Variants in DAW1 observed in about 807,000 individuals in gnomAD.
The protein encoded by DAW1 is dynein assembly factor with WD repeat domains 1.
Under a neutral mutation model 56.5 loss-of-function variants are expected in DAW1, and 47 were observed. That is an observed-to-expected ratio of 0.83 (90% confidence interval 0.66 to 1.06). The LOEUF is 1.06. Among genes scored for constraint, DAW1 ranks in the 50% least tolerant of loss-of-function variants. The pLI is 0.00. For synonymous variants in DAW1, 190 were observed against 179.0 expected, an observed-to-expected ratio of 1.06 and a Z score of -0.49; for missense variants, 505 against 499.3, an observed-to-expected ratio of 1.01 and a Z score of -0.11.
chr2:227,908,660 ATTTCTACAT>A (rs1691741801), intron 10 of DAW1, among the ~76,000 whole-genome samples: 1 of 152,194 alleles, frequency 6.6e-6, no homozygotes, highest in Non-Finnish European at 1.5e-5. Flanking sequence ...ACACTATACA[ATTTCTACAT>A]TATCTCCCTG....
intron 11 of DAW1, among the ~76,000 whole-genome samples, chr2:227,920,141 A>T (rs77241046): frequency 1.3e-5 from 2 of 152,174 alleles, no homozygotes; most frequent in African/African-American, 2.4e-5. Flanking sequence ...ATAAGTAAAC[A>T]TCTATTTTCA....
chr2:227,872,297 A>AAAAAAAAAAAAAAAG (rs1553600898), intron 1 of DAW1: 13 of 131,454 alleles, frequency 9.9e-5, no homozygotes, highest in East Asian at 2.2e-4. Flanking sequence ...AAAAAAGAAA[A>AAAAAAAAAAAAAAAG]AAAAGAAAAA....
Position 227,891,311 on chromosome 2 carries a change from A to C in DAW1, c.315A>C (p.Ser105=), listed in dbSNP as rs995601518. 2 of 1,613,114 alleles carry C rather than the reference A, an allele frequency of 1.2e-6. No individual in the cohort carries two copies. The highest frequency in any genetic ancestry group is 8.5e-7 in the Non-Finnish European group (1 of 1,179,460). ...ATGTTGCACTTAACAAATCGGGCTC[A>C]TGGTAAGATTCTCTTTTTATGTCTA... The part of the protein sequence containing the change: ...LTNVALNKSG[S]CFITGSYDRT... The change falls in exon 4 of 13, where the codon TCA becomes TCC. Residue 105 remains serine, a splice_region_variant and synonymous_variant. Coordinates refer to ENST00000309931, the MANE Select transcript of DAW1 (RefSeq NM_178821.3).
At chr2:227,892,387 G>T (rs1025568585) in intron 4 of DAW1, among the ~76,000 whole-genome samples, 1 of 152,148 alleles carries the variant, frequency 6.6e-6, no homozygotes, top group African/African-American at 2.4e-5. Flanking sequence ...GCCCAACTTG[G>T]CCTCCCAAAG....
intron 5 of DAW1, among the ~76,000 whole-genome samples, chr2:227,897,093 G>GAA (rs200209188): frequency 4.3e-5 from 4 of 92,300 alleles, no homozygotes; most frequent in Admixed American, 2.5e-4. Context: ...CTCAAAAAAA[G>GAA]AAAAAAAAAA....
At chr2:227,885,458 CACTGGGAAGCCTTG>C in intron 2 of DAW1, 35 bp downstream of exon 2, 1 of 1,517,332 alleles carries the variant, frequency 6.6e-7, no homozygotes, top group Non-Finnish European at 9.0e-7. Flanking sequence ...AATAAATGTT[CACTGGGAAGCCTTG>C]ACACAGAGTG....
At position 227,907,265 on chromosome 2, in the gene DAW1, T is replaced by C. The variant is rs750778183; in HGVS notation, c.973+13T>C. On this transcript the variant is annotated intron_variant, in intron 10 of 12. Transcript: ENST00000309931. ...GCTTCAGCTGATGGTAGGTGATCTGTTCATTCTTTTAATTTTTGGAGAGAT... is the reference window on the plus strand; with the variant it reads ...GCTTCAGCTGATGGTAGGTGATCTGCTCATTCTTTTAATTTTTGGAGAGAT... 1 of 1,596,766 alleles carries C rather than the reference T, an allele frequency of 6.3e-7. No individual in the cohort carries two copies. The highest frequency in any genetic ancestry group is 1.1e-5 in the South Asian group (1 of 89,010).
chr2:227,905,115 A>G (rs112982352), intron 8 of DAW1, 80 bp downstream of exon 8: 10 of 1,161,078 alleles, frequency 8.6e-6, no homozygotes, highest in Middle Eastern at 2.0e-4. Flanking sequence ...AGTTTAAGCT[A>G]CTATCTATTA....
At chr2:227,912,217 A>G (rs1167236457) in intron 10 of DAW1, 3 of 412,044 alleles carry the variant, frequency 7.3e-6, no homozygotes, top group African/African-American at 2.1e-5. Flanking sequence ...TGCTATATCT[A>G]TGTCACCTTC....
In DAW1 at chr2:227,894,068, A is replaced by G. The variant is rs1691348907; in HGVS notation, c.440+151A>G. 4 of 797,592 alleles carry G rather than the reference A, an allele frequency of 5.0e-6. No individual in the cohort carries two copies. The African/African-American group carries it at 7.0e-5, about 14-fold the overall frequency. 49.4% of individuals were successfully genotyped at this position (797,592 alleles called of 1,614,324 possible). A position where few individuals can be genotyped will look rare whatever the true frequency, so the allele number is the denominator to read the frequency against. On this transcript the variant is annotated intron_variant, in intron 5 of 12. Coordinates refer to ENST00000309931, the MANE Select transcript of DAW1 (RefSeq NM_178821.3). ...TTTTAAATACCTCCTTCAAAGCTTA[A>G]AAGGGTCTTTGGGTTAGCTATCACT...
chr2:227,873,717 G>C (rs546972594), intron 1 of DAW1, among the ~76,000 whole-genome samples: 2 of 152,234 alleles, frequency 1.3e-5, no homozygotes, highest in South Asian at 4.1e-4. Flanking sequence ...TTTTGAGACA[G>C]AGTCTTGCTC....
chr2:227,914,020 A>G (rs1168198569), intron 10 of DAW1, among the ~76,000 whole-genome samples: 1 of 150,956 alleles, frequency 6.6e-6, no homozygotes, highest in Admixed American at 6.6e-5. Context: ...CTTTCTTTAC[A>G]TTAGGTCTAT....
chr2:227,900,130 G>A (rs1201527752), intron 6 of DAW1, among the ~76,000 whole-genome samples: 4 of 152,148 alleles, frequency 2.6e-5, no homozygotes, highest in South Asian at 4.1e-4. Flanking sequence ...ACATAGACAG[G>A]TATTAGCTTA....
Position 227,871,710 on chromosome 2 carries a change from G to A in DAW1, c.21G>A (p.Leu7=). Reference sequence around the variant, plus strand: ...AGAAAATGAAGCTCAAGAGCCTCCTGCTCCGGTATTACCCGCCAGGTACGC... The same window carrying A: ...AGAAAATGAAGCTCAAGAGCCTCCTACTCCGGTATTACCCGCCAGGTACGC... MKLKSL[L]LRYYPPGIML... The change falls in exon 1 of 13, where the codon CTG becomes CTA. Residue 7 remains leucine, a synonymous_variant. Coordinates refer to ENST00000309931, the MANE Select transcript of DAW1 (RefSeq NM_178821.3). 1.2e-6 allele frequency: 2 copies of A among 1,613,928 alleles called. No homozygotes were observed. The highest frequency in any genetic ancestry group is 1.1e-5 in the South Asian group (1 of 91,040).
chr2:227,921,518 CTT>C lies in DAW1; in HGVS notation c.1173_1174del (p.Ser392MetfsTer6), dbSNP rs1178855531. 1 of 1,613,710 alleles carries C rather than the reference CTT, an allele frequency of 6.2e-7. No individual in the cohort carries two copies. Among genetic ancestry groups the C allele is most frequent in the Non-Finnish European group, 8.5e-7 (1 of 1,179,948 alleles). On this transcript the variant is annotated frameshift_variant, in exon 12 of 13. Coordinates refer to ENST00000309931, the MANE Select transcript of DAW1 (RefSeq NM_178821.3). LOFTEE classifies it high-confidence loss of function. ...QVLEGHTDEIFSCAFNYKGNI... is the reference protein window; with the variant it reads ...QVLEGHTDEIXSCAFNYKGNI... ...TTCTTGAGGGGCACACTGATGAAAT[CTT>C]TTCATGTGCTTTCAACTATAAAGGC...
At chr2:227,905,376 T>C (rs2106205506) in intron 8 of DAW1, among the ~76,000 whole-genome samples, 1 of 152,346 alleles carries the variant, frequency 6.6e-6, no homozygotes, top group Non-Finnish European at 1.5e-5. Flanking sequence ...AAACTCTTAG[T>C]TAATTTCCCA....
intron 1 of DAW1, among the ~76,000 whole-genome samples, chr2:227,880,166 T>C (rs1690975072): frequency 6.6e-6 from 1 of 152,220 alleles, no homozygotes. Context: ...TAATTTTCTT[T>C]GCAATTAAAT....
chr2:227,885,975 C>T (rs1289760211), intron 2 of DAW1, among the ~76,000 whole-genome samples: 6 of 132,004 alleles, frequency 4.5e-5, no homozygotes, highest in African/African-American at 5.7e-5. Flanking sequence ...TTTTTCTTTC[C>T]TTTTTTTTTT....
At chr2:227,883,512 A>G (rs887125143) in intron 1 of DAW1, among the ~76,000 whole-genome samples, 2 of 152,228 alleles carry the variant, frequency 1.3e-5, no homozygotes, top group Non-Finnish European at 2.9e-5. Context: ...ATTCACTAAT[A>G]TGGTTTCAGA....
Sources: allele counts gnomAD v4.1 joint callset (sites outside exome capture counted in the v4.1 genomes callset), GRCh38; gene constraint gnomAD v4.1.1; transcripts MANE v1.5; gene names NCBI Gene and HGNC (gene_info 2026-07-23, HGNC 2026-07-21).